SEMA5A: variants seen among roughly 807,000 people sequenced by gnomAD.
SEMA5A encodes the protein semaphorin-5A.
A neutral mutation model predicts 135.5 loss-of-function variants in SEMA5A; 55 were observed. The observed-to-expected ratio is 0.41, with a 90% CI of 0.33 to 0.51. The LOEUF (loss-of-function observed/expected upper bound fraction) is 0.51, where lower values mean the gene tolerates loss of function less well. SEMA5A is among the 20% of genes least tolerant of loss of function. The pLI is 0.37. For missense variants in SEMA5A, 1,290 were observed against 1,419.9 expected, an observed-to-expected ratio of 0.91 and a Z score of 1.47; for synonymous variants, 580 against 546.5, an observed-to-expected ratio of 1.06 and a Z score of -0.85.
At chr5:9,476,402 G>T (rs1235732725) in intron 1 of SEMA5A, among the ~76,000 whole-genome samples, 1 of 151,958 alleles carries the variant, frequency 6.6e-6, no homozygotes, top group East Asian at 1.9e-4. Context: ...AAAAATAGTT[G>T]ATAGTTTACA....
chr5:9,362,110 C>A (rs1046747388), intron 3 of SEMA5A, among the ~76,000 whole-genome samples: 1 of 152,090 alleles, frequency 6.6e-6, no homozygotes, highest in African/African-American at 2.4e-5. Context: ...GGTGAATCTG[C>A]GGTTCTTTTG....
intron 8 of SEMA5A, among the ~76,000 whole-genome samples, chr5:9,215,636 A>G (rs909333326): frequency 3.3e-5 from 5 of 152,172 alleles, no homozygotes; most frequent in Non-Finnish European, 5.9e-5. Context: ...GTGCATGGCC[A>G]TGCCGGCACC....
At chr5:9,156,572 A>T (rs988593) in intron 11 of SEMA5A, among the ~76,000 whole-genome samples, 1 of 151,976 alleles carries the variant, frequency 6.6e-6, no homozygotes, top group Non-Finnish European at 1.5e-5. Flanking sequence ...AGCAAGGCTC[A>T]TGGGAGAACT....
intron 11 of SEMA5A, among the ~76,000 whole-genome samples, chr5:9,168,336 A>G (rs1189795863): frequency 6.6e-6 from 1 of 152,170 alleles, no homozygotes; most frequent in Admixed American, 6.5e-5. Flanking sequence ...AACTCAAAGG[A>G]TCTAGGATTT....
chr5:9,233,608 C>T (rs989929003), intron 6 of SEMA5A, among the ~76,000 whole-genome samples: 1 of 152,176 alleles, frequency 6.6e-6, no homozygotes, highest in Non-Finnish European at 1.5e-5. Context: ...TCTTTTCAAA[C>T]CTGGCCCAAA....
chr5:9,272,049 G>A (rs1176033740), intron 5 of SEMA5A, among the ~76,000 whole-genome samples: 4 of 152,174 alleles, frequency 2.6e-5, no homozygotes, highest in African/African-American at 9.6e-5. Context: ...GCTGAAGCCT[G>A]GGAGCCAAGT....
At chr5:9,532,628 G>A (rs1245803523) in intron 1 of SEMA5A, among the ~76,000 whole-genome samples, 1 of 151,992 alleles carries the variant, frequency 6.6e-6, no homozygotes, top group African/African-American at 2.4e-5. Context: ...CTAGACATGG[G>A]GAAATGTAAA....
chr5:9,331,971 C>T (rs1753155170), intron 4 of SEMA5A, among the ~76,000 whole-genome samples: 1 of 152,228 alleles, frequency 6.6e-6, no homozygotes, highest in Non-Finnish European at 1.5e-5. Context: ...CTTCTGATAT[C>T]TAGAAATACT....
At chr5:9,250,528 GT>G (rs1245457367) in intron 5 of SEMA5A, among the ~76,000 whole-genome samples, 4 of 152,178 alleles carry the variant, frequency 2.6e-5, no homozygotes, top group Admixed American at 1.3e-4. Flanking sequence ...TTCATACAAT[GT>G]TTTGATCATC....
intron 16 of SEMA5A, among the ~76,000 whole-genome samples, chr5:9,079,928 AATG>A (rs1426401210): frequency 6.6e-6 from 1 of 152,168 alleles, no homozygotes; most frequent in African/African-American, 2.4e-5. Flanking sequence ...GAGAAATGGG[AATG>A]ATTTTACACT....
intron 3 of SEMA5A, among the ~76,000 whole-genome samples, chr5:9,356,830 T>C (rs1754470832): frequency 6.6e-6 from 1 of 152,198 alleles, no homozygotes; most frequent in African/African-American, 2.4e-5. Context: ...GCAGTTATTG[T>C]CTAAGTAAGA....
chr5:9,445,451 C>T (rs1247033994), intron 1 of SEMA5A, among the ~76,000 whole-genome samples: 3 of 151,718 alleles, frequency 2.0e-5, no homozygotes, highest in Non-Finnish European at 2.9e-5. Flanking sequence ...GGGCGGATCA[C>T]GAGGTCAGGA....
chr5:9,504,550 C>T (rs388157), intron 1 of SEMA5A, among the ~76,000 whole-genome samples: 147,837 of 152,274 alleles, frequency 0.97, 72,020 homozygotes, highest in Non-Finnish European at 1. Flanking sequence ...CAGGTAAGCA[C>T]AAGTGCTGTG....
chr5:9,109,937 G>A (rs1375553749), intron 15 of SEMA5A, among the ~76,000 whole-genome samples: 8 of 152,114 alleles, frequency 5.3e-5, no homozygotes, highest in Non-Finnish European at 2.9e-5. Flanking sequence ...CTGGTAAGAT[G>A]GAACTGTTTT....
At chr5:9,320,411 C>G (rs1018665981) in intron 4 of SEMA5A, among the ~76,000 whole-genome samples, 1 of 152,186 alleles carries the variant, frequency 6.6e-6, no homozygotes, top group African/African-American at 2.4e-5. Context: ...AAGACTAGGA[C>G]TCCAACAGAA....
intron 1 of SEMA5A, among the ~76,000 whole-genome samples, chr5:9,530,595 G>T (rs1396842182): frequency 6.6e-6 from 1 of 152,120 alleles, no homozygotes; most frequent in Admixed American, 6.5e-5. Flanking sequence ...TAATTATTCT[G>T]GTTCACAAGC....
chr5:9,305,707 C>CATATATATATATATATATAT (rs1561128483), intron 5 of SEMA5A, among the ~76,000 whole-genome samples: 16 of 42,892 alleles, frequency 3.7e-4, no homozygotes, highest in African/African-American at 7.7e-4. Flanking sequence ...TGTGTGTGTG[C>CATATATATATATATATATAT]GTATATATAT....
At chr5:9,120,372 A>T (rs1230306489) in intron 14 of SEMA5A, among the ~76,000 whole-genome samples, 2 of 152,098 alleles carry the variant, frequency 1.3e-5, no homozygotes, top group Non-Finnish European at 2.9e-5. Flanking sequence ...AAATAATTTC[A>T]AATAAAAATT....
chr5:9,500,951 T>C (rs1485623365), intron 1 of SEMA5A, among the ~76,000 whole-genome samples: 1 of 152,166 alleles, frequency 6.6e-6, no homozygotes, highest in Non-Finnish European at 1.5e-5. Flanking sequence ...GTTAAACTGT[T>C]AATTAAATAT....
Sources: allele counts gnomAD v4.1 joint callset (sites outside exome capture counted in the v4.1 genomes callset), GRCh38; gene constraint gnomAD v4.1.1; transcripts MANE v1.5; gene names NCBI Gene and HGNC (gene_info 2026-07-23, HGNC 2026-07-21).